Variants in TNFRSF10B observed in about 807,000 individuals in gnomAD.
TNFRSF10B encodes the protein TNF receptor superfamily member 10b, also known as tumor necrosis factor receptor superfamily member 10B.
A neutral mutation model predicts 41.4 loss-of-function variants in TNFRSF10B; 35 were observed. The observed-to-expected ratio is 0.85, with a 90% CI of 0.65 to 1.12. The LOEUF is 1.12. TNFRSF10B is among the 50% of genes most tolerant of loss of function. TNFRSF10B has a pLI of 0.00. For synonymous variants in TNFRSF10B, 230 were observed against 215.5 expected (o/e 1.07, Z -0.59); for missense variants, 584 against 552.7 (o/e 1.06, Z -0.57).
At chr8:23,024,325 G>C (rs370492635) in intron 7 of TNFRSF10B, 65 bp from the exon 8 acceptor site, 2 of 1,584,650 alleles carry the variant, frequency 1.3e-6, no homozygotes, top group South Asian at 2.2e-5. Flanking sequence ...TACTGACCCC[G>C]ACCACCAGCC....
rs2128810044 is a variant in TNFRSF10B, at chr8:23,020,811, G to A, written c.*1860C>T. On this transcript the variant is annotated 3_prime_UTR_variant, in exon 9 of 9. Transcript: ENST00000276431. ...ACCTGGGACCGGACTGGCACCTTCT[G>A]AGCCCTGAGGCTGAGCGTCCTGCAC... is the stretch of plus-strand genomic sequence containing the variant. The A allele has an allele frequency of 2.2e-6, 1 of 454,146 alleles. No homozygotes were observed. The highest frequency in any genetic ancestry group is 1.6e-5 in the South Asian group (1 of 64,476). The allele number at this position is 454,146 out of a possible 1,614,324, so 28.1% of individuals were successfully genotyped here. A position where few individuals can be genotyped will look rare whatever the true frequency, so the allele number is the denominator to read the frequency against.
At chr8:23,044,902 G>A (rs1262176816) in intron 1 of TNFRSF10B, among the ~76,000 whole-genome samples, 1 of 151,754 alleles carries the variant, frequency 6.6e-6, no homozygotes, top group Non-Finnish European at 1.5e-5. Context: ...AAAGAAAGAA[G>A]ACAAATAAAT....
rs776931408 is a variant in TNFRSF10B, at chr8:23,022,078, G to C, written c.*593C>G. 2.8e-5 allele frequency: 12 copies of C among 434,928 alleles called. No homozygotes were observed. Among genetic ancestry groups the C allele is most frequent in the South Asian group, 2.0e-4 (12 of 61,174 alleles). 26.9% of individuals were successfully genotyped at this position (434,928 alleles called of 1,614,324 possible). Reference sequence around the variant, plus strand: ...ATTCGAGACCACCCTGAGCAACATAGAGAGCCCCTATATCTAGACAAAATA... The same window carrying C: ...ATTCGAGACCACCCTGAGCAACATACAGAGCCCCTATATCTAGACAAAATA... On this transcript the variant is annotated 3_prime_UTR_variant, in exon 9 of 9. Transcript: ENST00000276431.
At chr8:23,029,030 G>C (rs554975410) in intron 4 of TNFRSF10B, among the ~76,000 whole-genome samples, 1 of 152,276 alleles carries the variant, frequency 6.6e-6, no homozygotes, top group South Asian at 2.1e-4. Context: ...CAAATACTAG[G>C]GGGGCCAGAG....
intron 1 of TNFRSF10B, among the ~76,000 whole-genome samples, chr8:23,057,036 C>CTT (rs138262629): frequency 5.9e-5 from 8 of 135,908 alleles, no homozygotes; most frequent in South Asian, 2.4e-4. Flanking sequence ...TCTTTTATGA[C>CTT]TTTTTTTTTT....
At chr8:23,048,323 C>T (rs939644336) in intron 1 of TNFRSF10B, among the ~76,000 whole-genome samples, 1 of 151,574 alleles carries the variant, frequency 6.6e-6, no homozygotes, top group Non-Finnish European at 1.5e-5. Flanking sequence ...GTAATCCCAG[C>T]TACTCAGGAG....
At chr8:23,049,478 A>C (rs1023460245) in intron 1 of TNFRSF10B, among the ~76,000 whole-genome samples, 16 of 152,188 alleles carry the variant, frequency 1.1e-4, no homozygotes, top group Non-Finnish European at 2.1e-4. Flanking sequence ...AGATAAGGGT[A>C]ATCACCCCAG....
rs564922754 is a variant in TNFRSF10B, at chr8:23,038,483, G to A, written c.250+4655C>T. On this transcript the variant is annotated intron_variant, in intron 2 of 8. Coordinates refer to ENST00000276431, the MANE Select transcript of TNFRSF10B (RefSeq NM_003842.5). ...TATTGTGTTATGTGTGTGTGTTTAT[G>A]TGTAAATATATGTTAAGCGAATATC... 6.6e-5 allele frequency among the ~76,000 whole-genome samples: 10 copies of A among 152,318 alleles called. No homozygotes were observed. In the South Asian group the frequency reaches 1.9e-3, roughly 28 times the overall value.
chr8:23,040,344 A>AATATATACAAAATATATATTTAATAAAT (rs1322947618), intron 2 of TNFRSF10B, among the ~76,000 whole-genome samples: 3 of 36,948 alleles, frequency 8.1e-5, no homozygotes, highest in Non-Finnish European at 1.7e-4. Flanking sequence ...ATATTTATTA[A>AATATATACAAAATATATATTTAATAAAT]ATATATACAA....
intron 1 of TNFRSF10B, among the ~76,000 whole-genome samples, chr8:23,058,012 C>T (rs895139777): frequency 3.0e-4 from 46 of 152,098 alleles, no homozygotes; most frequent in East Asian, 1.4e-3. Context: ...TTGGGGAGGC[C>T]GAGGCGGGCA....
rs777040114 is a variant in TNFRSF10B at position 23,028,490 on chromosome 8, T to A, written c.589A>T (p.Thr197Ser). Residue 197 changes from threonine (T) to serine (S), a missense_variant, in exon 5 of 9, where the codon ACG (threonine) becomes TCG (serine). Thr to Ser is a moderately conservative substitution (Grantham distance 58). Transcript: ENST00000276431. ...HSGEVPAVEE[T>S]VTSSPGTPAS... Reference sequence around the variant, plus strand: ...GGAGTCCCTGGGCTGGAGGTCACCGTCTCCTCCACAGCTGGGACTTCCCCA... The same window carrying A: ...GGAGTCCCTGGGCTGGAGGTCACCGACTCCTCCACAGCTGGGACTTCCCCA... The A allele has an allele frequency of 6.2e-7, 1 of 1,613,864 alleles. No homozygotes were observed. Among genetic ancestry groups the A allele is most frequent in the Non-Finnish European group, 8.5e-7 (1 of 1,179,938 alleles).
intron 2 of TNFRSF10B, among the ~76,000 whole-genome samples, chr8:23,031,797 C>T (rs1027806405): frequency 2.6e-5 from 4 of 152,036 alleles, no homozygotes; most frequent in African/African-American, 9.7e-5. Flanking sequence ...CAGATAATAT[C>T]ACTTAAATAT....
intron 1 of TNFRSF10B, among the ~76,000 whole-genome samples, chr8:23,055,707 C>T (rs376833699): frequency 6.6e-6 from 1 of 152,120 alleles, no homozygotes. Context: ...CCCCAGGCCT[C>T]CACAAACAAG....
rs1811726169 is a variant in TNFRSF10B at position 23,027,141 on chromosome 8, G to A, written c.928C>T (p.His310Tyr). The A allele has an allele frequency of 1.9e-6, 3 of 1,614,108 alleles. No homozygotes were observed. The highest frequency in any genetic ancestry group is 2.5e-6 in the Non-Finnish European group (3 of 1,180,014). The change falls in exon 7 of 9, where the codon CAT becomes TAT. Residue 310 changes from histidine to tyrosine, a missense_variant. Physicochemically the swap from His to Tyr is moderately conservative, Grantham distance 83. Transcript: ENST00000276431. ...ATCTGTCCCCCACTCACCAGCAGAT[G>A]CTCTGACTCCCCGGGGGACAACATG... is the stretch of plus-strand genomic sequence containing the variant. ...VNMLSPGESE[H>Y]LLEPAEAERS...
Position 23,069,020 on chromosome 8 carries a change from T to G in TNFRSF10B, c.-126A>C, listed in dbSNP as rs1254731617. On this transcript the variant is annotated 5_prime_UTR_variant, in exon 1 of 9. Transcript: ENST00000276431. ...GGTTCTCCGGCCGCGTGCTGATTTA[T>G]GTGTCCAGGCTGACTTGGGGCGGCG... 2.0e-6 allele frequency: 3 copies of G among 1,490,444 alleles called. No homozygotes were observed. Among genetic ancestry groups the G allele is most frequent in the Non-Finnish European group, 2.8e-6 (3 of 1,090,466 alleles). 92.3% of individuals were successfully genotyped at this position (1,490,444 alleles called of 1,614,324 possible).
chr8:23,057,576 G>A (rs568916979), intron 1 of TNFRSF10B, among the ~76,000 whole-genome samples: 2 of 152,056 alleles, frequency 1.3e-5, no homozygotes, highest in East Asian at 1.9e-4. Flanking sequence ...GGGATTACAG[G>A]TGTATGACAC....
At chr8:23,026,997 T>C in intron 7 of TNFRSF10B, 136 bp downstream of exon 7, 1 of 1,302,106 alleles carries the variant, frequency 7.7e-7, no homozygotes, top group Non-Finnish European at 1.1e-6. Flanking sequence ...AGCTGCTCCA[T>C]CCCCTGCAGT....
intron 2 of TNFRSF10B, 154 bp downstream of exon 2, chr8:23,042,984 T>G: frequency 1.5e-6 from 1 of 651,226 alleles, no homozygotes; most frequent in South Asian, 2.0e-5. Context: ...GATACCATCC[T>G]AGCAGGAAGG....
intron 7 of TNFRSF10B, among the ~76,000 whole-genome samples, chr8:23,026,435 AGG>A (rs1295234646): frequency 6.6e-6 from 1 of 152,234 alleles, no homozygotes; most frequent in Admixed American, 6.5e-5. Context: ...AGAATAATTC[AGG>A]GAGTTTCTCA....
Sources: allele counts gnomAD v4.1 joint callset (sites outside exome capture counted in the v4.1 genomes callset), GRCh38; gene constraint gnomAD v4.1.1; transcripts MANE v1.5; gene names NCBI Gene and HGNC (gene_info 2026-07-23, HGNC 2026-07-21).